The following ANXA3 variants were observed in gnomAD, a reference collection of about 807,000 sequenced individuals.
ANXA3 encodes the protein annexin A3, also known as 35-alpha calcimedin.
A neutral mutation model predicts 48.8 loss-of-function variants in ANXA3; 46 were observed. The observed-to-expected ratio is 0.94, with a 90% CI of 0.74 to 1.21. ANXA3 has a LOEUF of 1.21. Ranked by LOEUF, ANXA3 falls within the 50% of genes most tolerant of loss-of-function variation. ANXA3 has a pLI of 0.00. For synonymous variants in ANXA3, 128 were observed against 134.7 expected, an observed-to-expected ratio of 0.95 and a Z score of 0.35; for missense variants, 383 against 378.6, an observed-to-expected ratio of 1.01 and a Z score of -0.10.
rs917435162 is a variant in ANXA3, at chr4:78,609,368, G to A, written c.913-688G>A. On this transcript the variant is annotated intron_variant, in intron 12 of 12. Transcript: ENST00000264908. ...TTTTACCTCCTGTGAAGTCTTTTGCGTTACAAACTTGGTATCTTTGCCCTT... is the reference window on the plus strand; with the variant it reads ...TTTTACCTCCTGTGAAGTCTTTTGCATTACAAACTTGGTATCTTTGCCCTT... 5.3e-5 allele frequency among the ~76,000 whole-genome samples: 8 copies of A among 152,282 alleles called. No homozygotes were observed. In the South Asian group the frequency reaches 8.3e-4, roughly 16 times the overall value.
rs188286453 is a variant in ANXA3 at position 78,572,290 on chromosome 4, A to G, written c.16-890A>G. On this transcript the variant is annotated intron_variant, in intron 2 of 12. Coordinates refer to ENST00000264908, the MANE Select transcript of ANXA3 (RefSeq NM_005139.3). Reference sequence around the variant, plus strand: ...TCCTGAGATATGGGGTAGATATCATATTCCCTGTGTCTGGGGGGTAGACCA... The same window carrying G: ...TCCTGAGATATGGGGTAGATATCATGTTCCCTGTGTCTGGGGGGTAGACCA... Among the ~76,000 whole-genome samples, 18 of 152,344 alleles carry G rather than the reference A, an allele frequency of 1.2e-4. No individual in the cohort carries two copies. The East Asian group carries it at 3.1e-3, about 26-fold the overall frequency.
chr4:78,604,139 T>G, intron 11 of ANXA3, 138 bp from the exon 12 acceptor site: 1 of 757,766 alleles, frequency 1.3e-6, no homozygotes, highest in Non-Finnish European at 2.0e-6. Flanking sequence ...TAATGAATGA[T>G]GAGTTTGATA....
rs778839003 is a variant in ANXA3, at chr4:78,597,386, G to A, written c.702G>A (p.Gly234=). 12 of 1,609,634 alleles carry A rather than the reference G, an allele frequency of 7.5e-6. No homozygotes were observed. Among genetic ancestry groups the A allele is most frequent in the Non-Finnish European group, 1.0e-5 (12 of 1,177,958 alleles). The change falls in exon 10 of 13, where the codon GGG becomes GGA. Residue 234 remains glycine, a synonymous_variant. Transcript: ENST00000264908. ...IVDSIKGELS[G]HFEDLLLAIV... ...ACAGCATAAAAGGAGAATTATCTGG[G>A]CATTTTGAAGACTTACTGTTGGCCA...
chr4:78,598,059 A>G (rs1405724432), intron 10 of ANXA3, among the ~76,000 whole-genome samples: 1 of 151,998 alleles, frequency 6.6e-6, no homozygotes, highest in Non-Finnish European at 1.5e-5. Flanking sequence ...GGCAAAGCAC[A>G]GTGGCATGCA....
chr4:78,578,473 G>T (rs540625063), intron 3 of ANXA3, among the ~76,000 whole-genome samples: 146 of 152,210 alleles, frequency 9.6e-4, no homozygotes, highest in African/African-American at 3.3e-3. Context: ...CAGAGATTTG[G>T]GTTCAACTTC....
At chr4:78,588,048 A>G (rs1723213981) in intron 6 of ANXA3, among the ~76,000 whole-genome samples, 1 of 152,210 alleles carries the variant, frequency 6.6e-6, no homozygotes, top group African/African-American at 2.4e-5. Context: ...GTGAGCCGAG[A>G]TGGTGCCACT....
chr4:78,562,663 A>T (rs900841404), intron 2 of ANXA3, among the ~76,000 whole-genome samples: 4 of 152,378 alleles, frequency 2.6e-5, no homozygotes, highest in Non-Finnish European at 5.9e-5. Flanking sequence ...AGAAATAAAA[A>T]GGATGGCACC....
In ANXA3 at chr4:78,604,307, C is replaced by T. The variant is rs764726341; in HGVS notation, c.820C>T (p.Arg274Ter). Residue 274 changes from arginine (R) to a stop codon, truncating the protein, a stop_gained, in exon 12 of 13, where the codon CGA (arginine) becomes TGA (stop). Transcript: ENST00000264908. LOFTEE classifies it high-confidence loss of function. ...GIGTDEFTLN[R>*]IMVSRSEIDL... Reference sequence around the variant, plus strand: ...TGGAACTGATGAGTTTACTCTGAACCGAATAATGGTGTCCAGATCAGAAAT... The same window carrying T: ...TGGAACTGATGAGTTTACTCTGAACTGAATAATGGTGTCCAGATCAGAAAT... 75 of 1,612,488 alleles carry T rather than the reference C, an allele frequency of 4.7e-5. No individual in the cohort carries two copies. The Admixed American group carries it at 5.0e-4, about 11-fold the overall frequency.
intron 2 of ANXA3, among the ~76,000 whole-genome samples, chr4:78,569,196 G>A (rs567638002): frequency 2.4e-4 from 36 of 152,228 alleles, no homozygotes; most frequent in African/African-American, 8.7e-4. Context: ...GCATCTGAAG[G>A]TCAAGTTTCA....
At chr4:78,589,503 T>G (rs1017679481) in intron 6 of ANXA3, among the ~76,000 whole-genome samples, 1 of 152,234 alleles carries the variant, frequency 6.6e-6, no homozygotes, top group Non-Finnish European at 1.5e-5. Context: ...TTGCTCCCCA[T>G]GCTAATGTTT....
chr4:78,602,187 C>A (rs187391481), intron 11 of ANXA3: 1 of 148,744 alleles, frequency 6.7e-6, no homozygotes, highest in Admixed American at 6.7e-5. Context: ...TTGCAGTGAG[C>A]CTAGATTGCG....
In ANXA3 at chr4:78,596,620, G is replaced by A. The variant is rs72873380; in HGVS notation, c.635-699G>A. ...CTGAAATTGTTCTTTCTTAACTTTT[G>A]CATTAAAATCACATTTATTTTATAA... On this transcript the variant is annotated intron_variant, in intron 9 of 12. Transcript: ENST00000264908. Among the ~76,000 whole-genome samples, 1,042 of 152,214 alleles carry A rather than the reference G, an allele frequency of 6.8e-3. 7 individuals carry two copies. Among genetic ancestry groups the A allele is most frequent in the African/African-American group, 0.021 (865 of 41,528 alleles).
At position 78,606,561 on chromosome 4, in the gene ANXA3, A is replaced by T. The variant is rs561970066; in HGVS notation, c.912+2162A>T. 2.6e-5 allele frequency among the ~76,000 whole-genome samples: 4 copies of T among 152,200 alleles called. No individual in the cohort carries two copies. The South Asian group carries it at 8.3e-4, about 32-fold the overall frequency. On this transcript the variant is annotated intron_variant, in intron 12 of 12. Coordinates refer to ENST00000264908, the MANE Select transcript of ANXA3 (RefSeq NM_005139.3). Reference sequence around the variant, plus strand: ...GCCAGCAGCTGGAGTCTTTGGTCCAACCTTCGCTATGGCCCTACCCACAAT... The same window carrying T: ...GCCAGCAGCTGGAGTCTTTGGTCCATCCTTCGCTATGGCCCTACCCACAAT...
At chr4:78,581,428 A>T (rs1723068635) in intron 4 of ANXA3, among the ~76,000 whole-genome samples, 1 of 152,226 alleles carries the variant, frequency 6.6e-6, no homozygotes, top group South Asian at 2.1e-4. Flanking sequence ...CTAGTGTTCC[A>T]TCGCCCTGTA....
At chr4:78,565,380 C>T (rs960429833) in intron 2 of ANXA3, among the ~76,000 whole-genome samples, 2 of 152,238 alleles carry the variant, frequency 1.3e-5, no homozygotes, top group South Asian at 2.1e-4. Context: ...TGTTCAAGTA[C>T]GGGAGAGCGA....
intron 4 of ANXA3, among the ~76,000 whole-genome samples, chr4:78,579,694 T>A (rs1489161693): frequency 1.3e-5 from 2 of 152,206 alleles, no homozygotes. Flanking sequence ...TTTGGGAGGC[T>A]GAGGCGGGTG....
intron 10 of ANXA3, among the ~76,000 whole-genome samples, chr4:78,600,418 T>C (rs1324088107): frequency 6.6e-6 from 1 of 152,142 alleles, no homozygotes; most frequent in Non-Finnish European, 1.5e-5. Context: ...TGTACAAATC[T>C]AGTTGGCAGG....
At chr4:78,576,546 CT>C (rs1462272229) in intron 3 of ANXA3, among the ~76,000 whole-genome samples, 3 of 152,178 alleles carry the variant, frequency 2.0e-5, no homozygotes, top group Non-Finnish European at 4.4e-5. Flanking sequence ...ATCCTTCTGC[CT>C]TGTCCTCCCA....
chr4:78,587,333 G>A (rs890011845), intron 6 of ANXA3, among the ~76,000 whole-genome samples: 1 of 152,190 alleles, frequency 6.6e-6, no homozygotes, highest in African/African-American at 2.4e-5. Context: ...TAATCATATG[G>A]TTGATCTTTC....
Sources: allele counts gnomAD v4.1 joint callset (sites outside exome capture counted in the v4.1 genomes callset), GRCh38; gene constraint gnomAD v4.1.1; transcripts MANE v1.5; gene names NCBI Gene and HGNC (gene_info 2026-07-23, HGNC 2026-07-21).